Variants in ITK observed in about 807,000 individuals in gnomAD.
ITK encodes tyrosine-protein kinase ITK/TSK.
A neutral mutation model predicts 87.6 loss-of-function variants in ITK; 45 were observed. The ratio of observed to expected loss-of-function variants is 0.51; its 90% CI spans 0.40 to 0.66. ITK has a LOEUF of 0.66. Ranked by LOEUF, ITK falls within the 30% of genes least tolerant of loss-of-function variation. The pLI is 0.00. For missense variants in ITK, 605 were observed against 766.3 expected, an observed-to-expected ratio of 0.79 and a Z score of 2.48; for synonymous variants, 303 against 273.6, an observed-to-expected ratio of 1.11 and a Z score of -1.06.
intron 16 of ITK, among the ~76,000 whole-genome samples, chr5:157,249,240 A>C (rs562432428): frequency 6.6e-6 from 1 of 152,384 alleles, no homozygotes; most frequent in South Asian, 2.1e-4. Context: ...AGCTATAAGC[A>C]TAGCTTCAGA....
In ITK at chr5:157,193,436, A is replaced by G. The variant is rs898826290; in HGVS notation, c.138+12321A>G. Among the ~76,000 whole-genome samples the G allele has an allele frequency of 1.2e-4, 18 of 152,224 alleles. No individual in the cohort carries two copies. In the East Asian group the frequency reaches 3.5e-3, roughly 29 times the overall value. The stretch of plus-strand genomic sequence containing the variant: ...GAAGTCAGACATTTCATGTGTAACC[A>G]ATACAAAATCTGAAATAATAACAGC... On this transcript the variant is annotated intron_variant, in intron 1 of 16. Transcript: ENST00000422843.
intron 8 of ITK, among the ~76,000 whole-genome samples, chr5:157,237,833 T>A (rs1346058954): frequency 6.6e-6 from 1 of 152,170 alleles, no homozygotes; most frequent in Non-Finnish European, 1.5e-5. Flanking sequence ...CTGTAAAGAG[T>A]CTGATACATG....
At chr5:157,234,300 G>A (rs1408307944) in intron 8 of ITK, among the ~76,000 whole-genome samples, 1 of 152,016 alleles carries the variant, frequency 6.6e-6, no homozygotes, top group East Asian at 1.9e-4. Context: ...AATATTTTGA[G>A]CTACTTTACC....
intron 1 of ITK, among the ~76,000 whole-genome samples, chr5:157,188,286 A>G (rs759704776): frequency 1.2e-4 from 18 of 152,182 alleles, no homozygotes; most frequent in Non-Finnish European, 2.4e-4. Context: ...TTTAAATCAG[A>G]TACTACTTTC....
intron 1 of ITK, among the ~76,000 whole-genome samples, chr5:157,193,315 G>C (rs1753787975): frequency 6.6e-6 from 1 of 152,156 alleles, no homozygotes; most frequent in African/African-American, 2.4e-5. Context: ...AATCTTTCCA[G>C]GAAGTAATAC....
intron 1 of ITK, among the ~76,000 whole-genome samples, chr5:157,193,789 A>G (rs895533224): frequency 6.6e-6 from 1 of 152,178 alleles, no homozygotes; most frequent in African/African-American, 2.4e-5. Flanking sequence ...AATCCAATAG[A>G]GGTGTTGAGT....
At position 157,253,734 on chromosome 5, in the gene ITK, T is replaced by C; in HGVS notation, c.*1056T>C. On this transcript the variant is annotated 3_prime_UTR_variant, in exon 17 of 17. Coordinates refer to ENST00000422843, the MANE Select transcript of ITK (RefSeq NM_005546.4). ...GCCCTAGGGTTGAGCAATTTTAAGGTTGAGACTCCAAGTCTCCTAAAATTC... is the reference window on the plus strand; with the variant it reads ...GCCCTAGGGTTGAGCAATTTTAAGGCTGAGACTCCAAGTCTCCTAAAATTC... 2 of 219,188 alleles carry C rather than the reference T, an allele frequency of 9.1e-6. No individual in the cohort carries two copies. Among genetic ancestry groups the C allele is most frequent in the Admixed American group, 5.8e-5 (1 of 17,238 alleles). The allele number at this position is 219,188 out of a possible 1,614,324, so 13.6% of individuals were successfully genotyped here. A position where few individuals can be genotyped will look rare whatever the true frequency, so the allele number is the denominator to read the frequency against.
At chr5:157,245,666 A>G (rs1755005832) in intron 13 of ITK, 60 bp from the exon 14 acceptor site, 1 of 1,334,292 alleles carries the variant, frequency 7.5e-7, no homozygotes, top group Non-Finnish European at 1.1e-6. Context: ...AGACTCCTTA[A>G]CTACTGATGA....
At chr5:157,189,884 A>C (rs1054307669) in intron 1 of ITK, among the ~76,000 whole-genome samples, 1 of 152,170 alleles carries the variant, frequency 6.6e-6, no homozygotes, top group African/African-American at 2.4e-5. Flanking sequence ...CCTCCCATTC[A>C]TCAGTGAATT....
chr5:157,199,894 C>G (rs1313477913), intron 1 of ITK: 1 of 152,126 alleles, frequency 6.6e-6, no homozygotes, highest in African/African-American at 2.4e-5. Flanking sequence ...AGCCGCCCTG[C>G]CCCCTCATCT....
intron 1 of ITK, among the ~76,000 whole-genome samples, chr5:157,184,308 A>T (rs181503425): frequency 6.6e-6 from 1 of 152,192 alleles, no homozygotes; most frequent in African/African-American, 2.4e-5. Context: ...AAATATTCCC[A>T]TCATGGCCCA....
intron 3 of ITK, among the ~76,000 whole-genome samples, chr5:157,212,327 C>A (rs1257529279): frequency 6.6e-6 from 1 of 152,108 alleles, no homozygotes; most frequent in African/African-American, 2.4e-5. Flanking sequence ...CTGTGAGGAC[C>A]AAGGATAAGC....
At chr5:157,203,523 G>A (rs1353614508) in intron 1 of ITK, among the ~76,000 whole-genome samples, 1 of 152,180 alleles carries the variant, frequency 6.6e-6, no homozygotes, top group South Asian at 2.1e-4. Context: ...CCATGAGCCT[G>A]TTGTTTTTAT....
At chr5:157,244,747 A>C in intron 13 of ITK, 1 of 432,472 alleles carries the variant, frequency 2.3e-6, no homozygotes, top group Non-Finnish European at 4.3e-6. Context: ...CTCCTTCTTA[A>C]CCTCTCTGTG....
chr5:157,210,679 T>A (rs1429223996), intron 2 of ITK, among the ~76,000 whole-genome samples: 1 of 142,458 alleles, frequency 7.0e-6, no homozygotes, highest in East Asian at 2.2e-4. Context: ...TATCTCCCAA[T>A]GCTATCCCTC....
rs1753512614 is a variant in ITK, at chr5:157,181,417, A to G, written c.138+302A>G. ...AATAACATTTTAGGTAGCAAGTATT[A>G]TGATTCGATAAAACTTGAACTTTCT... is the stretch of plus-strand genomic sequence containing the variant. On this transcript the variant is annotated intron_variant, in intron 1 of 16. Transcript: ENST00000422843. 2.6e-5 allele frequency among the ~76,000 whole-genome samples: 4 copies of G among 152,314 alleles called. No individual in the cohort carries two copies. The South Asian group carries it at 6.2e-4, about 24-fold the overall frequency.
intron 6 of ITK, among the ~76,000 whole-genome samples, chr5:157,226,099 T>C (rs142967635): frequency 6.6e-6 from 1 of 152,358 alleles, no homozygotes; most frequent in African/African-American, 2.4e-5. Flanking sequence ...CTTTATCAGC[T>C]ACTCTTGTCA....
intron 6 of ITK, among the ~76,000 whole-genome samples, chr5:157,224,138 G>A (rs1333401229): frequency 1.3e-5 from 2 of 151,856 alleles, no homozygotes; most frequent in African/African-American, 2.4e-5. Context: ...ACAAAAATTA[G>A]CATGGTGTGG....
chr5:157,198,180 C>A (rs552800564), intron 1 of ITK, among the ~76,000 whole-genome samples: 3 of 151,978 alleles, frequency 2.0e-5, no homozygotes, highest in Non-Finnish European at 4.4e-5. Context: ...TCCCAGCCCC[C>A]AGGACCACCC....
Sources: gnomAD v4.1 joint callset for allele counts (sites outside exome capture counted in the v4.1 genomes callset) on GRCh38, gnomAD v4.1.1 for gene constraint, MANE v1.5 for transcripts, NCBI Gene and HGNC (gene_info 2026-07-23, HGNC 2026-07-21) for gene names.